The following ST18 variants were observed in gnomAD, a reference collection of about 807,000 sequenced individuals.
ST18 encodes the protein ST18 C2H2C-type zinc finger transcription factor.
A neutral mutation model predicts 110.0 loss-of-function variants in ST18; 50 were observed. That is an observed-to-expected ratio of 0.45 (90% CI 0.36 to 0.58). The LOEUF (loss-of-function observed/expected upper bound fraction) is 0.58. Ranked by LOEUF, ST18 falls within the 20% of genes least tolerant of loss-of-function variation. The pLI, the probability that ST18 is intolerant of heterozygous loss-of-function variation, is 0.00. For missense variants in ST18, 1,306 were observed against 1,280.1 expected, an observed-to-expected ratio of 1.02 and a Z score of -0.31; for synonymous variants, 461 against 452.4, an observed-to-expected ratio of 1.02 and a Z score of -0.24.
chr8:52,313,518 A>G (rs2095961742), intron 2 of ST18: 1 of 158,694 alleles, frequency 6.3e-6, no homozygotes. Flanking sequence ...GCCTCTAGAC[A>G]GTGTCTCCCA....
chr8:52,232,149 T>C (rs987289509), intron 2 of ST18, among the ~76,000 whole-genome samples: 1 of 152,214 alleles, frequency 6.6e-6, no homozygotes, highest in Non-Finnish European at 1.5e-5. Context: ...GAGCTATTTA[T>C]TTGCTCTGGT....
intron 2 of ST18, among the ~76,000 whole-genome samples, chr8:52,387,037 T>A (rs905287341): frequency 1.3e-5 from 2 of 152,234 alleles, no homozygotes; most frequent in Non-Finnish European, 2.9e-5. Context: ...TGTCATTCCA[T>A]GAGAAGTTAG....
intron 2 of ST18, among the ~76,000 whole-genome samples, chr8:52,286,748 C>A (rs1354981675): frequency 6.6e-6 from 1 of 150,976 alleles, no homozygotes; most frequent in Non-Finnish European, 1.5e-5. Context: ...CATACTTCTT[C>A]AAAGCAATGG....
At position 52,352,306 on chromosome 8, in the gene ST18, G is replaced by A. The variant is rs138433054; in HGVS notation, c.-465+57022C>T. Among the ~76,000 whole-genome samples, 1,120 of 152,222 alleles carry A rather than the reference G, an allele frequency of 7.4e-3. 14 individuals carry two copies. The highest frequency in any genetic ancestry group is 0.025 in the African/African-American group (1,055 of 41,530). On this transcript the variant is annotated intron_variant, in intron 2 of 25. Coordinates refer to ENST00000689386, the MANE Select transcript of ST18 (RefSeq NM_001352837.2). ...AGCCCCAGCTTTCTCCAGGCATTAG[G>A]CTCACTTGCACATTGTGTAATGTAA...
rs568061266 is a variant in ST18 at position 52,320,851 on chromosome 8, A to G, written c.-465+88477T>C. 4.6e-5 allele frequency among the ~76,000 whole-genome samples: 7 copies of G among 152,312 alleles called. 1 individual carries two copies. In the South Asian group the frequency reaches 1.5e-3, roughly 32 times the overall value. ...GAGACGCAGCCTAGAGAAACTTTAG[A>G]CTGTGTATGAGGATATCCACAAGGA... On this transcript the variant is annotated intron_variant, in intron 2 of 25. Coordinates refer to ENST00000689386, the MANE Select transcript of ST18 (RefSeq NM_001352837.2).
intron 2 of ST18, among the ~76,000 whole-genome samples, chr8:52,332,964 T>C (rs190324890): frequency 1.8e-3 from 268 of 152,310 alleles, no homozygotes; most frequent in African/African-American, 6.1e-3. Flanking sequence ...ATCTCCATTT[T>C]GCAGCTGAGC....
intron 2 of ST18, among the ~76,000 whole-genome samples, chr8:52,401,013 G>A (rs1488148068): frequency 1.3e-5 from 2 of 152,110 alleles, no homozygotes; most frequent in Admixed American, 1.3e-4. Flanking sequence ...AGGTCTAGTA[G>A]TGATAAATTT....
At chr8:52,261,840 C>A (rs1564359369) in intron 2 of ST18, among the ~76,000 whole-genome samples, 2 of 152,188 alleles carry the variant, frequency 1.3e-5, no homozygotes, top group African/African-American at 4.8e-5. Context: ...TCCAGGTCAT[C>A]CTATTCCCAG....
chr8:52,120,865 C>T (rs1418792282), intron 23 of ST18, among the ~76,000 whole-genome samples: 4 of 152,028 alleles, frequency 2.6e-5, no homozygotes, highest in African/African-American at 9.7e-5. Context: ...AGGAGACAGA[C>T]TCAGGATCTA....
intron 19 of ST18, among the ~76,000 whole-genome samples, chr8:52,134,826 C>T (rs554389904): frequency 1.7e-4 from 26 of 152,076 alleles, no homozygotes; most frequent in Non-Finnish European, 2.4e-4. Flanking sequence ...AGTAACCGTT[C>T]GTTTTGGGGC....
chr8:52,366,970 C>T (rs188490305), intron 2 of ST18, among the ~76,000 whole-genome samples: 168 of 152,236 alleles, frequency 1.1e-3, no homozygotes, highest in Middle Eastern at 3.4e-3. Context: ...TAGTGGCTCA[C>T]GCCTGTAATC....
chr8:52,364,810 C>T lies in ST18; in HGVS notation c.-465+44518G>A, dbSNP rs369572871. Among the ~76,000 whole-genome samples, 11 of 152,192 alleles carry T rather than the reference C, an allele frequency of 7.2e-5. 1 individual carries two copies. The East Asian group carries it at 1.2e-3, about 16-fold the overall frequency. On this transcript the variant is annotated intron_variant, in intron 2 of 25. Transcript: ENST00000689386. ...ATGTGTCTTCAAGTGTAATTTACTC[C>T]TATAGAAAGTTCCTTCAGGCTGGGC... is the stretch of plus-strand genomic sequence containing the variant.
intron 3 of ST18, among the ~76,000 whole-genome samples, chr8:52,222,551 T>C (rs2087268046): frequency 6.6e-6 from 1 of 152,164 alleles, no homozygotes; most frequent in South Asian, 2.1e-4. Context: ...TTTAGAAATA[T>C]GATTTGACAC....
At chr8:52,281,781 A>C (rs1265732273) in intron 2 of ST18, among the ~76,000 whole-genome samples, 2 of 152,342 alleles carry the variant, frequency 1.3e-5, no homozygotes, top group Non-Finnish European at 2.9e-5. Flanking sequence ...TTCTAAGTGA[A>C]GTAACTCAGG....
At chr8:52,391,326 G>A (rs946587676) in intron 2 of ST18, among the ~76,000 whole-genome samples, 4 of 152,142 alleles carry the variant, frequency 2.6e-5, no homozygotes, top group Non-Finnish European at 5.9e-5. Flanking sequence ...TGTGAACCCA[G>A]CCACCACCCA....
At chr8:52,372,822 G>C (rs1404009793) in intron 2 of ST18, among the ~76,000 whole-genome samples, 3 of 152,116 alleles carry the variant, frequency 2.0e-5, no homozygotes, top group Non-Finnish European at 4.4e-5. Flanking sequence ...TTCTCAAATC[G>C]TATCCCCATT....
At chr8:52,385,743 C>T (rs1386030926) in intron 2 of ST18, among the ~76,000 whole-genome samples, 1 of 151,782 alleles carries the variant, frequency 6.6e-6, no homozygotes, top group Non-Finnish European at 1.5e-5. Flanking sequence ...AAGACTTTTC[C>T]AGTTCATGCA....
At chr8:52,191,075 T>C (rs1159745162) in intron 8 of ST18, among the ~76,000 whole-genome samples, 4 of 152,172 alleles carry the variant, frequency 2.6e-5, no homozygotes, top group African/African-American at 9.7e-5. Context: ...GAATCACACA[T>C]TGAGAGACAA....
intron 2 of ST18, among the ~76,000 whole-genome samples, chr8:52,308,884 C>G (rs2095855888): frequency 1.3e-5 from 2 of 152,164 alleles, no homozygotes; most frequent in South Asian, 4.1e-4. Context: ...GTGCCAAAGC[C>G]AAGGCTATAA....
Sources: gnomAD v4.1 joint callset for allele counts (sites outside exome capture counted in the v4.1 genomes callset) on GRCh38, gnomAD v4.1.1 for gene constraint, MANE v1.5 for transcripts, NCBI Gene and HGNC (gene_info 2026-07-23, HGNC 2026-07-21) for gene names.